The following RASGRP3 variants were observed in gnomAD, a reference collection of about 807,000 sequenced individuals.
RASGRP3 encodes RAS guanyl releasing protein 3, also known as ras guanyl-releasing protein 3.
In RASGRP3, 54 loss-of-function variants were observed where a neutral mutation model predicts 82.7. That is an observed-to-expected ratio of 0.65 (90% CI 0.52 to 0.82). The LOEUF is 0.82. RASGRP3 is among the 40% of genes least tolerant of loss of function. The probability of loss-of-function intolerance (pLI) is 0.00; values close to 1 mark genes in which losing one functional copy is unlikely to be tolerated. For synonymous variants in RASGRP3, 309 were observed against 300.5 expected, an observed-to-expected ratio of 1.03 and a Z score of -0.29; for missense variants, 861 against 828.9, an observed-to-expected ratio of 1.04 and a Z score of -0.48.
chr2:33,538,880 T>A (rs7609546), intron 11 of RASGRP3, among the ~76,000 whole-genome samples: 112,588 of 151,816 alleles, frequency 0.74, 41,910 homozygotes, highest in Admixed American at 0.79. Flanking sequence ...TTGTACTAAA[T>A]ATACAAAAAT....
At chr2:33,533,932 G>T in intron 10 of RASGRP3, 1 of 181,468 alleles carries the variant, frequency 5.5e-6, no homozygotes. Flanking sequence ...CTAGTTAACT[G>T]CTCCTTTATT....
At chr2:33,473,322 G>T (rs1461493403), upstream of RASGRP3, among the ~76,000 whole-genome samples, 3 of 152,206 alleles carry the variant, frequency 2.0e-5, no homozygotes, top group East Asian at 5.8e-4. Context: ...GACGGAGCTT[G>T]CAGTGAGCCG....
chr2:33,472,952 G>C (rs1667146782), upstream of RASGRP3, among the ~76,000 whole-genome samples: 1 of 151,776 alleles, frequency 6.6e-6, no homozygotes, highest in Non-Finnish European at 1.5e-5. Flanking sequence ...GTGAAGTGAG[G>C]GAAAAAAAGC....
intron 1 of RASGRP3, among the ~76,000 whole-genome samples, chr2:33,499,194 G>A (rs1040424592): frequency 2.4e-4 from 36 of 152,096 alleles, no homozygotes; most frequent in African/African-American, 8.7e-4. Flanking sequence ...CCTGGACAGT[G>A]AGTCCCTCCC....
At chr2:33,439,591 C>G (rs576204431) in intron 1 of RASGRP3, among the ~76,000 whole-genome samples, 1 of 152,198 alleles carries the variant, frequency 6.6e-6, no homozygotes, top group Non-Finnish European at 1.5e-5. Context: ...ATGGGACCTA[C>G]TTATACGAAA....
At chr2:33,537,320 A>ACACACCCCCC (rs771052774) in intron 11 of RASGRP3, among the ~76,000 whole-genome samples, 1 of 33,322 alleles carries the variant, frequency 3.0e-5, no homozygotes, top group African/African-American at 1.5e-4. Context: ...ACACACACAC[A>ACACACCCCCC]CCGCCCCCCC....
At chr2:33,478,351 G>A (rs1013296734) in intron 1 of RASGRP3, among the ~76,000 whole-genome samples, 4 of 152,160 alleles carry the variant, frequency 2.6e-5, no homozygotes, top group Admixed American at 6.5e-5. Context: ...CCGCGGCCAT[G>A]TGGTCTGTGA....
At chr2:33,449,670 A>G (rs1665683051) in intron 2 of RASGRP3, among the ~76,000 whole-genome samples, 1 of 152,016 alleles carries the variant, frequency 6.6e-6, no homozygotes, top group African/African-American at 2.4e-5. Flanking sequence ...GAGGCAGGAG[A>G]ATTGCTTGAA....
At chr2:33,474,527 T>G (rs1344444539), upstream of RASGRP3, among the ~76,000 whole-genome samples, 1 of 152,164 alleles carries the variant, frequency 6.6e-6, no homozygotes, top group Non-Finnish European at 1.5e-5. Context: ...GGTCTCAAAC[T>G]CCTGACCTCA....
At chr2:33,437,053 G>A (rs1275304558) in intron 1 of RASGRP3, among the ~76,000 whole-genome samples, 1 of 152,040 alleles carries the variant, frequency 6.6e-6, no homozygotes, top group Non-Finnish European at 1.5e-5. Context: ...TTTAAATTTT[G>A]TATAAAATTA....
At chr2:33,455,970 G>T (rs1666014913) in intron 2 of RASGRP3, among the ~76,000 whole-genome samples, 1 of 152,140 alleles carries the variant, frequency 6.6e-6, no homozygotes, top group Non-Finnish European at 1.5e-5. Context: ...ACAATTTCAC[G>T]TGCATTTAAT....
At position 33,493,264 on chromosome 2, in the gene RASGRP3, C is replaced by G. The variant is rs72804238; in HGVS notation, c.-261+16557C>G. The G allele has an allele frequency of 5.0e-4, 76 of 152,280 alleles. 2 individuals carry two copies. The highest frequency in any genetic ancestry group is 4.8e-3 in the Admixed American group (73 of 15,300). 9.4% of individuals were successfully genotyped at this position (152,280 alleles called of 1,614,324 possible). On this transcript the variant is annotated intron_variant, in intron 1 of 17. Coordinates refer to ENST00000403687, the MANE Select transcript of RASGRP3 (RefSeq NM_001139488.2). ...ATTTGCTCCAGACGAATCCACTTAT[C>G]CCATCCCTATCCTTCTTGAGAAAGC...
intron 14 of RASGRP3, among the ~76,000 whole-genome samples, chr2:33,554,617 C>T (rs1216301141): frequency 6.6e-6 from 1 of 152,094 alleles, no homozygotes; most frequent in African/African-American, 2.4e-5. Flanking sequence ...GGACCACAGG[C>T]GCCCACCATC....
At chr2:33,543,079 T>A (rs1328736881) in intron 12 of RASGRP3, among the ~76,000 whole-genome samples, 1 of 152,202 alleles carries the variant, frequency 6.6e-6, no homozygotes, top group Non-Finnish European at 1.5e-5. Context: ...AGCGGTGTGA[T>A]CTTGGCTCAT....
At chr2:33,516,701 A>C in intron 4 of RASGRP3, 57 bp downstream of exon 4, 4 of 1,195,134 alleles carry the variant, frequency 3.3e-6, no homozygotes, top group Non-Finnish European at 4.8e-6. Flanking sequence ...CTGTATTTAG[A>C]TAGAGTGTCT....
At chr2:33,458,938 C>G (rs765848685) in intron 2 of RASGRP3, among the ~76,000 whole-genome samples, 1 of 152,082 alleles carries the variant, frequency 6.6e-6, no homozygotes, top group African/African-American at 2.4e-5. Context: ...CAAATAGACT[C>G]TAACTTTTAA....
intron 13 of RASGRP3, among the ~76,000 whole-genome samples, chr2:33,548,464 G>A (rs1675043232): frequency 1.3e-5 from 2 of 151,868 alleles, no homozygotes; most frequent in South Asian, 2.1e-4. Context: ...AGTCCTGAGC[G>A]TATTTGTGAA....
At chr2:33,509,348 G>C (rs1670709539) in intron 1 of RASGRP3, among the ~76,000 whole-genome samples, 1 of 151,940 alleles carries the variant, frequency 6.6e-6, no homozygotes, top group Non-Finnish European at 1.5e-5. Flanking sequence ...GTTGCAGTGA[G>C]CTGAGATCAT....
At position 33,558,269 on chromosome 2, in the gene RASGRP3, A is replaced by T. The variant is rs1436639104; in HGVS notation, c.1638A>T (p.Arg546Ser). 1 of 1,613,314 alleles carries T rather than the reference A, an allele frequency of 6.2e-7. No individual in the cohort carries two copies. Among genetic ancestry groups the T allele is most frequent in the Non-Finnish European group, 8.5e-7 (1 of 1,179,688 alleles). The change falls in exon 16 of 18, where the codon AGA becomes AGT. Residue 546 changes from arginine to serine, a missense_variant. Coordinates refer to ENST00000403687, the MANE Select transcript of RASGRP3 (RefSeq NM_001139488.2). ...ACCTCCTGGTTCTGGCCTGCAGGAGATTTGCCCGGGCGCCCTCCTTGAGCA... is the reference window on the plus strand; with the variant it reads ...ACCTCCTGGTTCTGGCCTGCAGGAGTTTTGCCCGGGCGCCCTCCTTGAGCA... ...CKDLLVLACR[R>S]FARAPSLSSG... is the part of the protein sequence containing the mutation.
Sources: gnomAD v4.1 joint callset for allele counts (sites outside exome capture counted in the v4.1 genomes callset) on GRCh38, gnomAD v4.1.1 for gene constraint, MANE v1.5 for transcripts, NCBI Gene and HGNC (gene_info 2026-07-23, HGNC 2026-07-21) for gene names.